The following ODAD2 variants were observed in gnomAD, a reference collection of about 807,000 sequenced individuals.
ODAD2 encodes outer dynein arm-docking complex subunit 2.
A neutral mutation model predicts 106.8 loss-of-function variants in ODAD2; 89 were observed. The ratio of observed to expected loss-of-function variants is 0.83; its 90% CI spans 0.70 to 0.99. The LOEUF (loss-of-function observed/expected upper bound fraction) is 0.99. Ranked by LOEUF, ODAD2 falls within the 50% of genes least tolerant of loss-of-function variation. The pLI is 0.00. For synonymous variants in ODAD2, 404 were observed against 436.2 expected (o/e 0.93, Z 0.92); for missense variants, 1,168 against 1,238.5 (o/e 0.94, Z 0.85).
chr10:27,860,135 C>T (rs978781279), intron 19 of ODAD2, among the ~76,000 whole-genome samples: 1 of 152,112 alleles, frequency 6.6e-6, no homozygotes, highest in Non-Finnish European at 1.5e-5. Context: ...TATCTCCATA[C>T]AACTTTTCTG....
intron 10 of ODAD2, among the ~76,000 whole-genome samples, chr10:27,959,379 T>C (rs576852725): frequency 7.8e-4 from 119 of 152,018 alleles, no homozygotes; most frequent in African/African-American, 2.8e-3. Context: ...GCCAGTTCTT[T>C]TTTTCTTTCC....
chr10:27,875,758 C>T (rs934425735), intron 17 of ODAD2, among the ~76,000 whole-genome samples: 1 of 152,258 alleles, frequency 6.6e-6, no homozygotes, highest in Non-Finnish European at 1.5e-5. Context: ...ATTGCCTCAC[C>T]CAGGAAGCAC....
intron 4 of ODAD2, 22 bp downstream of exon 4, chr10:27,984,997 T>C (rs767536392): frequency 1.8e-5 from 29 of 1,591,860 alleles, no homozygotes; most frequent in Non-Finnish European, 2.2e-5. Flanking sequence ...ACAATAGAGG[T>C]TCCTTTTTGA....
intron 10 of ODAD2, among the ~76,000 whole-genome samples, chr10:27,960,260 G>A (rs1426984087): frequency 3.3e-5 from 5 of 150,482 alleles, no homozygotes; most frequent in South Asian, 2.1e-4. Context: ...GGCTTGTTTC[G>A]TATAAGCTCA....
At chr10:27,903,402 C>T (rs1221415458) in intron 17 of ODAD2, among the ~76,000 whole-genome samples, 2 of 152,138 alleles carry the variant, frequency 1.3e-5, no homozygotes, top group African/African-American at 2.4e-5. Context: ...GACAAGGATG[C>T]CCTCTCTCAC....
chr10:27,831,008 T>C (rs1837436208), intron 19 of ODAD2, among the ~76,000 whole-genome samples: 1 of 152,138 alleles, frequency 6.6e-6, no homozygotes, highest in African/African-American at 2.4e-5. Context: ...TCAGCTGAGA[T>C]GTGATGTTAA....
chr10:27,982,519 C>T (rs1849618822), intron 6 of ODAD2, among the ~76,000 whole-genome samples: 1 of 151,964 alleles, frequency 6.6e-6, no homozygotes, highest in African/African-American at 2.4e-5. Flanking sequence ...TATCATAAAC[C>T]AAAGCAAAAT....
chr10:27,960,083 G>A lies in ODAD2; in HGVS notation c.1386+1485C>T, dbSNP rs527410892. Among the ~76,000 whole-genome samples, 7 of 151,714 alleles carry A rather than the reference G, an allele frequency of 4.6e-5. No individual in the cohort carries two copies. The East Asian group carries it at 5.8e-4, about 13-fold the overall frequency. ...ATATTTAATATTTATAAAGTATCACGCTTAAAATGAAATTTTAAAACTCAC... is the reference window on the plus strand; with the variant it reads ...ATATTTAATATTTATAAAGTATCACACTTAAAATGAAATTTTAAAACTCAC... On this transcript the variant is annotated intron_variant, in intron 10 of 19. Coordinates refer to ENST00000305242, the MANE Select transcript of ODAD2 (RefSeq NM_018076.5).
In ODAD2 at chr10:27,940,716, C is replaced by T. The variant is rs762408624; in HGVS notation, c.1833G>A (p.Gly611=). The T allele has an allele frequency of 3.1e-6, 5 of 1,614,114 alleles. No homozygotes were observed. ...EARDVEVARC[G]ALALWSCSKS... is the part of the protein sequence containing the mutation. ...TACTGCAGCTCCACAGGGCCAGTGC[C>T]CCACAGCGAGCCACTTCCACGTCTC... The change falls in exon 13 of 20, where the codon GGG becomes GGA. Residue 611 remains glycine, a synonymous_variant. Coordinates refer to ENST00000305242, the MANE Select transcript of ODAD2 (RefSeq NM_018076.5).
At chr10:27,867,581 G>A (rs1840536676) in intron 17 of ODAD2, among the ~76,000 whole-genome samples, 1 of 152,126 alleles carries the variant, frequency 6.6e-6, no homozygotes, top group African/African-American at 2.4e-5. Context: ...ATGGAATCCT[G>A]GGAATCAAGA....
In ODAD2 at chr10:27,961,451, G is replaced by A. The variant is rs543091181; in HGVS notation, c.1386+117C>T. On this transcript the variant is annotated intron_variant, in intron 10 of 19. Transcript: ENST00000305242. ...TGCACAAACTTAGATAAAACAACAG[G>A]AATGCTTACTACTCTTATTTGAAAG... 1.4e-5 allele frequency: 14 copies of A among 1,024,056 alleles called. No homozygotes were observed. The African/African-American group carries it at 1.8e-4, about 13-fold the overall frequency. The allele number at this position is 1,024,056 out of a possible 1,614,324, so 63.4% of individuals were successfully genotyped here.
At chr10:27,963,012 T>TG (rs1491362426) in intron 9 of ODAD2, among the ~76,000 whole-genome samples, 1 of 123,900 alleles carries the variant, frequency 8.1e-6, no homozygotes, top group Non-Finnish European at 1.7e-5. Flanking sequence ...CCCTGTGTAC[T>TG]TTTTTTTTTT....
At chr10:27,982,105 T>C (rs1473344769) in intron 6 of ODAD2, among the ~76,000 whole-genome samples, 2 of 152,158 alleles carry the variant, frequency 1.3e-5, no homozygotes, top group Non-Finnish European at 2.9e-5. Context: ...TCTCTTCTTG[T>C]CTCTTTCCTT....
In ODAD2 at chr10:27,944,524, GT is replaced by G. The variant is rs1016645658; in HGVS notation, c.1534-94del. On this transcript the variant is annotated intron_variant, in intron 11 of 19. Coordinates refer to ENST00000305242, the MANE Select transcript of ODAD2 (RefSeq NM_018076.5). ...ATACCTAAAATCCTTCCCCAGTTAA[GT>G]TTTTTAAGAAATCATTTCCATTCCC... 5.1e-6 allele frequency: 6 copies of G among 1,180,512 alleles called. No individual in the cohort carries two copies. In the South Asian group the frequency reaches 8.6e-5, roughly 17 times the overall value. The allele number at this position is 1,180,512 out of a possible 1,614,324, so 73.1% of individuals were successfully genotyped here.
intron 8 of ODAD2, among the ~76,000 whole-genome samples, chr10:27,969,326 T>C (rs1414842152): frequency 1.3e-5 from 2 of 151,948 alleles, no homozygotes; most frequent in South Asian, 4.1e-4. Context: ...CCGCCAATTA[T>C]AGTTTTCTAT....
intron 19 of ODAD2, among the ~76,000 whole-genome samples, chr10:27,831,938 C>A (rs1348181536): frequency 6.6e-6 from 1 of 152,252 alleles, no homozygotes; most frequent in Non-Finnish European, 1.5e-5. Context: ...CTGAGGGTCA[C>A]CCTTCTAGGT....
At chr10:27,994,678 G>T (rs561419557) in intron 2 of ODAD2, among the ~76,000 whole-genome samples, 16 of 152,226 alleles carry the variant, frequency 1.1e-4, no homozygotes, top group Admixed American at 5.9e-4. Context: ...CCTGTTAAAA[G>T]AAATTTACCC....
At chr10:27,888,000 A>C (rs189788029) in intron 17 of ODAD2, among the ~76,000 whole-genome samples, 331 of 152,178 alleles carry the variant, frequency 2.2e-3, no homozygotes, top group Non-Finnish European at 4.2e-3. Flanking sequence ...AGAAACAGAA[A>C]ATCTGAACAG....
At chr10:27,994,824 A>C in intron 2 of ODAD2, 95 bp downstream of exon 2, 1 of 1,359,546 alleles carries the variant, frequency 7.4e-7, no homozygotes, top group Non-Finnish European at 1.0e-6. Flanking sequence ...TCTGAGGTTC[A>C]GAGAGGTTAG....
Sources: gnomAD v4.1 joint callset for allele counts (sites outside exome capture counted in the v4.1 genomes callset) on GRCh38, gnomAD v4.1.1 for gene constraint, MANE v1.5 for transcripts, NCBI Gene and HGNC (gene_info 2026-07-23, HGNC 2026-07-21) for gene names.